Variants in LRRTM4 observed in about 807,000 individuals in gnomAD.
The protein encoded by LRRTM4 is leucine-rich repeat transmembrane neuronal protein 4.
In LRRTM4, 25 loss-of-function variants were observed where a neutral mutation model predicts 47.6. The observed-to-expected ratio is 0.53, with a 90% CI of 0.38 to 0.73. The LOEUF (loss-of-function observed/expected upper bound fraction) is 0.73, where lower values mean the gene tolerates loss of function less well. Ranked by LOEUF, LRRTM4 falls within the 30% of genes least tolerant of loss-of-function variation. LRRTM4 has a pLI of 0.00. For synonymous variants in LRRTM4, 311 were observed against 269.5 expected, an observed-to-expected ratio of 1.15 and a Z score of -1.51; for missense variants, 638 against 713.4, an observed-to-expected ratio of 0.89 and a Z score of 1.20.
intron 3 of LRRTM4, among the ~76,000 whole-genome samples, chr2:76,935,129 C>G (rs996303452): frequency 1.1e-4 from 17 of 152,066 alleles, no homozygotes; most frequent in African/African-American, 4.1e-4. Context: ...GCAGGAAAGA[C>G]AAAATATTAA....
intron 3 of LRRTM4, among the ~76,000 whole-genome samples, chr2:76,837,636 C>A (rs1462425949): frequency 6.6e-6 from 1 of 152,074 alleles, no homozygotes; most frequent in African/African-American, 2.4e-5. Context: ...CACATGCACA[C>A]GCATGTTTAT....
chr2:76,964,275 A>G (rs576302404), intron 3 of LRRTM4, among the ~76,000 whole-genome samples: 21 of 151,192 alleles, frequency 1.4e-4, no homozygotes, highest in Admixed American at 1.1e-3. Flanking sequence ...CTCTTCAGAT[A>G]TGCAAGACTT....
At chr2:77,482,513 G>C (rs1463143137) in intron 3 of LRRTM4, among the ~76,000 whole-genome samples, 1 of 151,882 alleles carries the variant, frequency 6.6e-6, no homozygotes, top group Non-Finnish European at 1.5e-5. Context: ...AATAAAACTT[G>C]ATTTAAATTT....
chr2:76,797,694 C>G (rs1675421525), intron 3 of LRRTM4, among the ~76,000 whole-genome samples: 1 of 151,280 alleles, frequency 6.6e-6, no homozygotes, highest in African/African-American at 2.4e-5. Flanking sequence ...AGTCAAGACC[C>G]ATCAGTGTGC....
At chr2:76,880,070 T>C (rs1189810046) in intron 3 of LRRTM4, among the ~76,000 whole-genome samples, 2 of 152,220 alleles carry the variant, frequency 1.3e-5, no homozygotes, top group African/African-American at 2.4e-5. Context: ...TTGGTGAAGA[T>C]GCTGTTATAA....
chr2:77,215,252 A>G (rs1009734293), intron 3 of LRRTM4, among the ~76,000 whole-genome samples: 4 of 152,216 alleles, frequency 2.6e-5, no homozygotes, highest in Admixed American at 2.6e-4. Context: ...GAAAGAAAAA[A>G]TGATTATGGA....
At chr2:76,815,398 T>A (rs898799405) in intron 3 of LRRTM4, among the ~76,000 whole-genome samples, 1 of 152,118 alleles carries the variant, frequency 6.6e-6, no homozygotes, top group African/African-American at 2.4e-5. Flanking sequence ...GTCCTGCATT[T>A]GTCTCTCCAC....
Position 77,209,467 on chromosome 2 carries a change from G to A in LRRTM4, c.1551+308851C>T, listed in dbSNP as rs780259569. ...AAAAACCAACCAATTTATACCAGTCGCACTGCAAAAGCACAAAAATTGCAA... is the reference window on the plus strand; with the variant it reads ...AAAAACCAACCAATTTATACCAGTCACACTGCAAAAGCACAAAAATTGCAA... On this transcript the variant is annotated intron_variant, in intron 3 of 3. Coordinates refer to ENST00000409884, the MANE Select transcript of LRRTM4 (RefSeq NM_001134745.3). Among the ~76,000 whole-genome samples, 3 of 151,442 alleles carry A rather than the reference G, an allele frequency of 2.0e-5. No homozygotes were observed. The East Asian group carries it at 5.8e-4, about 29-fold the overall frequency.
At chr2:77,164,488 C>A (rs976576486) in intron 3 of LRRTM4, among the ~76,000 whole-genome samples, 1 of 152,202 alleles carries the variant, frequency 6.6e-6, no homozygotes, top group Non-Finnish European at 1.5e-5. Context: ...CTCTCCACCC[C>A]AAATCAACAG....
intron 3 of LRRTM4, among the ~76,000 whole-genome samples, chr2:76,963,754 A>T (rs749981985): frequency 6.6e-6 from 1 of 150,894 alleles, no homozygotes; most frequent in Admixed American, 6.6e-5. Flanking sequence ...CATATTGTTT[A>T]TAATAGTGAA....
chr2:77,042,531 A>T (rs2104180936), intron 3 of LRRTM4, among the ~76,000 whole-genome samples: 1 of 151,896 alleles, frequency 6.6e-6, no homozygotes, highest in African/African-American at 2.4e-5. Context: ...CTGGAATTAT[A>T]ACAAGAGTGT....
At chr2:77,109,433 G>A (rs552032821) in intron 3 of LRRTM4, among the ~76,000 whole-genome samples, 2 of 152,252 alleles carry the variant, frequency 1.3e-5, no homozygotes, top group South Asian at 4.1e-4. Flanking sequence ...TTTCTCTGAA[G>A]AGCTAACAAT....
chr2:77,378,619 A>T (rs1336821217), intron 3 of LRRTM4, among the ~76,000 whole-genome samples: 1 of 152,140 alleles, frequency 6.6e-6, no homozygotes, highest in East Asian at 1.9e-4. Context: ...ATTCTTTCAG[A>T]TGTGAGGTAA....
At chr2:77,092,621 G>A (rs181594129) in intron 3 of LRRTM4, among the ~76,000 whole-genome samples, 3 of 145,602 alleles carry the variant, frequency 2.1e-5, no homozygotes, top group Admixed American at 1.4e-4. Context: ...AACATGCCCC[G>A]AGTCAGAAAA....
At chr2:77,008,716 G>C (rs141523071) in intron 3 of LRRTM4, among the ~76,000 whole-genome samples, 2 of 152,044 alleles carry the variant, frequency 1.3e-5, no homozygotes, top group African/African-American at 4.8e-5. Context: ...TCAACTCAGC[G>C]AATTTATTGC....
intron 3 of LRRTM4, among the ~76,000 whole-genome samples, chr2:77,391,883 A>C (rs145576517): frequency 2.0e-5 from 3 of 152,168 alleles, no homozygotes; most frequent in African/African-American, 7.2e-5. Flanking sequence ...AGACTGTAGC[A>C]ATAGGATACC....
At chr2:77,061,000 T>C (rs1291767487) in intron 3 of LRRTM4, among the ~76,000 whole-genome samples, 1 of 152,142 alleles carries the variant, frequency 6.6e-6, no homozygotes, top group Admixed American at 6.6e-5. Flanking sequence ...CACAACAGTT[T>C]ACTAGAATAC....
chr2:76,800,360 C>T (rs1378038828), intron 3 of LRRTM4, among the ~76,000 whole-genome samples: 2 of 138,328 alleles, frequency 1.4e-5, no homozygotes, highest in Non-Finnish European at 3.1e-5. Context: ...GGAAAGGATT[C>T]CCTATTTAAT....
chr2:76,789,334 C>CATA (rs766563019), intron 3 of LRRTM4, among the ~76,000 whole-genome samples: 4 of 152,154 alleles, frequency 2.6e-5, no homozygotes, highest in Non-Finnish European at 4.4e-5. Flanking sequence ...TTCCATGTTC[C>CATA]ATACCACTGC....
Sources: gnomAD v4.1 joint callset for allele counts (sites outside exome capture counted in the v4.1 genomes callset) on GRCh38, gnomAD v4.1.1 for gene constraint, MANE v1.5 for transcripts, NCBI Gene and HGNC (gene_info 2026-07-23, HGNC 2026-07-21) for gene names.